AP2A2: variants seen among roughly 807,000 people sequenced by gnomAD.
AP2A2 encodes the protein AP-2 complex subunit alpha-2.
In AP2A2, 32 loss-of-function variants were observed where a neutral mutation model predicts 104.2. That is an observed-to-expected ratio of 0.31 (90% confidence interval 0.23 to 0.41). The LOEUF (loss-of-function observed/expected upper bound fraction) is 0.41. Ranked by LOEUF, AP2A2 falls within the 10% of genes least tolerant of loss-of-function variation. The pLI, the probability that AP2A2 is intolerant of heterozygous loss-of-function variation, is 1.00. For missense variants in AP2A2, 912 were observed against 1,261.0 expected, an observed-to-expected ratio of 0.72 and a Z score of 4.19; for synonymous variants, 539 against 533.3, an observed-to-expected ratio of 1.01 and a Z score of -0.15.
intron 5 of AP2A2, among the ~76,000 whole-genome samples, chr11:978,578 C>T (rs1399543120): frequency 6.6e-6 from 1 of 152,206 alleles, no homozygotes; most frequent in Non-Finnish European, 1.5e-5. Flanking sequence ...ACAGCCAACC[C>T]CAGGGTGGGC....
chr11:947,089 CA>C (rs1331321195), intron 1 of AP2A2: 1 of 149,332 alleles, frequency 6.7e-6, no homozygotes, highest in East Asian at 2.0e-4. Context: ...CGGCTCACTG[CA>C]GCCCCCACCT....
At chr11:950,138 T>TA (rs1253249741) in intron 1 of AP2A2, among the ~76,000 whole-genome samples, 3 of 152,120 alleles carry the variant, frequency 2.0e-5, no homozygotes, top group Non-Finnish European at 4.4e-5. Context: ...AGAATAGTCT[T>TA]AAACAAATGG....
In AP2A2 at chr11:994,083, G is replaced by A. The variant is rs376414501; in HGVS notation, c.1794G>A (p.Leu598=). The part of the protein sequence containing the change: ...VASTDILATV[L]EEMPPFPERE... ...GTGTTCTTTCCAAGGCGACCGTGCT[G>A]GAGGAGATGCCCCCATTCCCGGAGC... The change falls in exon 14 of 22, where the codon CTG becomes CTA. Residue 598 remains leucine, a synonymous_variant. Transcript: ENST00000448903. The A allele has an allele frequency of 1.7e-5, 28 of 1,612,990 alleles. No homozygotes were observed. The Middle Eastern group carries it at 6.6e-4, about 38-fold the overall frequency.
At chr11:1,000,724 G>A in intron 15 of AP2A2, 126 bp downstream of exon 15, 2 of 1,060,026 alleles carry the variant, frequency 1.9e-6, no homozygotes, top group South Asian at 1.7e-5. Flanking sequence ...CTGCCTGGGG[G>A]AGAGAGCGGG....
At chr11:985,887 G>A (rs1476732098) in intron 8 of AP2A2, among the ~76,000 whole-genome samples, 2 of 152,250 alleles carry the variant, frequency 1.3e-5, no homozygotes, top group South Asian at 2.1e-4. Flanking sequence ...GGAGACGGGT[G>A]GGGTGGGGGG....
chr11:927,040 A>G (rs1293506715), intron 1 of AP2A2, among the ~76,000 whole-genome samples: 2 of 152,070 alleles, frequency 1.3e-5, no homozygotes, highest in African/African-American at 2.4e-5. Context: ...TTTCCTTGTT[A>G]TCCAGCAAAT....
chr11:969,446 G>A (rs1158717865), intron 2 of AP2A2, among the ~76,000 whole-genome samples: 1 of 151,890 alleles, frequency 6.6e-6, no homozygotes, highest in South Asian at 2.1e-4. Flanking sequence ...GGCTGGTCTC[G>A]AACTCCTGAC....
rs768652622 is a variant in AP2A2, at chr11:993,087, G to A, written c.1453-197G>A. ...GCAGCTCCCTCCAGGGCAGGTCAGC[G>A]TGTGGCAGCCTTGGGTTCCTTGCTG... On this transcript the variant is annotated intron_variant, in intron 11 of 21. Coordinates refer to ENST00000448903, the MANE Select transcript of AP2A2 (RefSeq NM_012305.4). The surrounding 1 kb of genome is among the most constrained non-coding windows in gnomAD (Gnocchi z 8.2). Among the ~76,000 whole-genome samples, 3 of 152,202 alleles carry A rather than the reference G, an allele frequency of 2.0e-5. No homozygotes were observed. Among genetic ancestry groups the A allele is most frequent in the Non-Finnish European group, 2.9e-5 (2 of 68,028 alleles).
At chr11:929,194 T>A (rs1427610938) in intron 1 of AP2A2, among the ~76,000 whole-genome samples, 1 of 152,324 alleles carries the variant, frequency 6.6e-6, no homozygotes, top group Admixed American at 6.5e-5. Context: ...GAACTTGACC[T>A]CCATGTCACA....
At chr11:955,698 A>G (rs1854212036) in intron 1 of AP2A2, among the ~76,000 whole-genome samples, 1 of 152,242 alleles carries the variant, frequency 6.6e-6, no homozygotes, top group African/African-American at 2.4e-5. Flanking sequence ...TTTCTAGGGT[A>G]GGACTGGCTC....
chr11:935,603 G>GGTTTT (rs1853428341), intron 1 of AP2A2, among the ~76,000 whole-genome samples: 2 of 77,988 alleles, frequency 2.6e-5, no homozygotes, highest in South Asian at 1.6e-3. Flanking sequence ...TGCCCGGCCA[G>GGTTTT]TTTTTTTTTT....
intron 15 of AP2A2, among the ~76,000 whole-genome samples, chr11:1,001,791 T>C (rs2133772660): frequency 6.6e-6 from 1 of 152,276 alleles, no homozygotes; most frequent in South Asian, 2.1e-4. Flanking sequence ...GCCTGCCCTG[T>C]CTCCATACGG....
In AP2A2 at chr11:986,968, C is replaced by A. The variant is rs571066159; in HGVS notation, c.1131+15C>A. The A allele has an allele frequency of 3.0e-5, 47 of 1,563,328 alleles. No individual in the cohort carries two copies. The South Asian group carries it at 5.2e-4, about 17-fold the overall frequency. ...ACGCCCTGAAGGCGAGTGCCCTGTC[C>A]TTGGGTTCTGCTCACTCCCTGAGCA... is the stretch of plus-strand genomic sequence containing the variant. On this transcript the variant is annotated intron_variant, in intron 9 of 21. Transcript: ENST00000448903.
intron 1 of AP2A2, among the ~76,000 whole-genome samples, chr11:929,298 C>T (rs904980012): frequency 6.6e-6 from 1 of 152,088 alleles, no homozygotes; most frequent in Non-Finnish European, 1.5e-5. Context: ...GTAGTCGGGC[C>T]CTGTGGAAAG....
chr11:933,040 C>T (rs1853339318), intron 1 of AP2A2, among the ~76,000 whole-genome samples: 1 of 152,204 alleles, frequency 6.6e-6, no homozygotes, highest in Non-Finnish European at 1.5e-5. Flanking sequence ...GAGTCCGAGC[C>T]AGGTGGATCA....
rs764420273 is a variant in AP2A2, at chr11:986,766, T to C, written c.963-19T>C. On this transcript the variant is annotated intron_variant, in intron 8 of 21. Transcript: ENST00000448903. ...CACTTGCTGAGGAAACCCCACCCAC[T>C]TCCCCTCCCTCCACACAGTGAGCCG... The C allele has an allele frequency of 6.2e-7, 1 of 1,609,302 alleles. No individual in the cohort carries two copies. Among genetic ancestry groups the C allele is most frequent in the Admixed American group, 1.7e-5 (1 of 59,900 alleles).
rs555216039 is a variant in AP2A2 at position 932,980 on chromosome 11, A to G, written c.67+6892A>G. Reference sequence around the variant, plus strand: ...TGGCATTTCCTTGGCTCTTAAAAAAATCAAATACGCCGGGCGCTGCGGTTC... The same window carrying G: ...TGGCATTTCCTTGGCTCTTAAAAAAGTCAAATACGCCGGGCGCTGCGGTTC... On this transcript the variant is annotated intron_variant, in intron 1 of 21. Coordinates refer to ENST00000448903, the MANE Select transcript of AP2A2 (RefSeq NM_012305.4). Among the ~76,000 whole-genome samples, 3 of 152,348 alleles carry G rather than the reference A, an allele frequency of 2.0e-5. No homozygotes were observed. In the East Asian group the frequency reaches 5.8e-4, roughly 29 times the overall value.
chr11:1,009,615 G>C, intron 20 of AP2A2, 68 bp from the exon 21 acceptor site: 1 of 1,157,236 alleles, frequency 8.6e-7, no homozygotes, highest in Non-Finnish European at 1.2e-6. Flanking sequence ...GTCTGGAGGG[G>C]CGGCCCCGGG....
intron 9 of AP2A2, among the ~76,000 whole-genome samples, chr11:987,886 G>A (rs1210357300): frequency 3.9e-5 from 6 of 152,352 alleles, no homozygotes; most frequent in East Asian, 1.9e-4. Context: ...CCAGTCCCCC[G>A]CACGTCTGCG....
Sources: allele counts gnomAD v4.1 joint callset (sites outside exome capture counted in the v4.1 genomes callset), GRCh38; gene constraint gnomAD v4.1.1; non-coding constraint Gnocchi (gnomAD v3.1); transcripts MANE v1.5; gene names NCBI Gene and HGNC (gene_info 2026-07-23, HGNC 2026-07-21).